Variants in EEF1A2 observed in about 807,000 individuals in gnomAD.
The protein encoded by EEF1A2 is eukaryotic translation elongation factor 1 alpha 2.
A neutral mutation model predicts 39.3 loss-of-function variants in EEF1A2; 5 were observed. The observed-to-expected ratio is 0.13, with a 90% CI of 0.07 to 0.27. EEF1A2 has a LOEUF of 0.27. Ranked by LOEUF, EEF1A2 falls within the 10% of genes least tolerant of loss-of-function variation. EEF1A2 has a pLI of 1.00. For synonymous variants in EEF1A2, 287 were observed against 293.7 expected (o/e 0.98, Z 0.23); for missense variants, 218 against 681.4 (o/e 0.32, Z 7.57).
intron 7 of EEF1A2, 46 bp from the exon 8 acceptor site, chr20:63,488,471 C>A: frequency 1.5e-6 from 2 of 1,328,504 alleles, no homozygotes; most frequent in Non-Finnish European, 1.9e-6. Context: ...AGGACTTGAC[C>A]CCCCCCAACC....
chr20:63,488,537 C>T (rs549744660), intron 7 of EEF1A2, 112 bp from the exon 8 acceptor site: 5 of 1,297,136 alleles, frequency 3.9e-6, no homozygotes, highest in East Asian at 3.0e-5. Flanking sequence ...TCGGAACACG[C>T]TTAGCGCAGA....
At chr20:63,490,290 C>G in intron 6 of EEF1A2, 189 bp downstream of exon 6, 1 of 682,764 alleles carries the variant, frequency 1.5e-6, no homozygotes, top group Non-Finnish European at 2.4e-6. Flanking sequence ...TGGACTTGAT[C>G]TCTTGACCTC....
At chr20:63,488,577 C>A in intron 7 of EEF1A2, 152 bp from the exon 8 acceptor site, 5 of 1,113,266 alleles carry the variant, frequency 4.5e-6, no homozygotes, top group Non-Finnish European at 6.0e-6. Flanking sequence ...GCCGGCCTCG[C>A]GGGAGTCCTG....
At chr20:63,494,104 G>C (rs1482731199) in intron 4 of EEF1A2, among the ~76,000 whole-genome samples, 2 of 152,210 alleles carry the variant, frequency 1.3e-5, no homozygotes, top group African/African-American at 2.4e-5. Context: ...CTGTCTCCCT[G>C]CTGTCTCTAG....
At position 63,488,150 on chromosome 20, in the gene EEF1A2, G is replaced by T; in HGVS notation, c.*148C>A. ...GGCGAGCATCCAGTCGCTGACCGAG[G>T]GCCTCTGGCAAGCGGAGGTGCAGAC... On this transcript the variant is annotated 3_prime_UTR_variant, in exon 8 of 8. Coordinates refer to ENST00000217182, the MANE Select transcript of EEF1A2 (RefSeq NM_001958.5). The T allele has an allele frequency of 2.8e-6, 1 of 352,750 alleles. No individual in the cohort carries two copies. Among genetic ancestry groups the T allele is most frequent in the Non-Finnish European group, 3.9e-6 (1 of 253,224 alleles). 21.9% of individuals were successfully genotyped at this position (352,750 alleles called of 1,614,324 possible). A position where few individuals can be genotyped will look rare whatever the true frequency, so the allele number is the denominator to read the frequency against.
chr20:63,492,884 CGATGGATG>C (rs966616047), intron 5 of EEF1A2, among the ~76,000 whole-genome samples: 1 of 33,964 alleles, frequency 2.9e-5, no homozygotes, highest in East Asian at 9.9e-4. Flanking sequence ...ATGGATGGAT[CGATGGATG>C]GATGGATGGA....
At chr20:63,489,580 C>T (rs531368686) in intron 6 of EEF1A2, among the ~76,000 whole-genome samples, 5 of 152,194 alleles carry the variant, frequency 3.3e-5, no homozygotes, top group Non-Finnish European at 5.9e-5. Flanking sequence ...GTCAGGAGTT[C>T]GAGACCGGCC....
chr20:63,492,988 G>T, intron 5 of EEF1A2, 149 bp downstream of exon 5: 1 of 1,085,808 alleles, frequency 9.2e-7, no homozygotes, highest in Non-Finnish European at 1.3e-6. Context: ...TGGATGGATG[G>T]ATGGATGTGG....
intron 3 of EEF1A2, among the ~76,000 whole-genome samples, chr20:63,495,474 C>T (rs1284384918): frequency 2.6e-5 from 4 of 152,290 alleles, no homozygotes; most frequent in African/African-American, 7.2e-5. Context: ...CTGGGGTGTC[C>T]GTGCGTCTCT....
chr20:63,494,559 C>T (rs879502820), intron 4 of EEF1A2, among the ~76,000 whole-genome samples: 12 of 152,250 alleles, frequency 7.9e-5, no homozygotes, highest in Admixed American at 3.3e-4. Flanking sequence ...GTGTTGACAT[C>T]GTAGATGGGC....
In EEF1A2 at chr20:63,494,973, G is replaced by C. The variant is rs764827474; in HGVS notation, c.453C>G (p.Gly151=). The C allele has an allele frequency of 6.2e-7, 1 of 1,612,670 alleles. No homozygotes were observed. Among genetic ancestry groups the C allele is most frequent in the Non-Finnish European group, 8.5e-7 (1 of 1,179,986 alleles). ...YTLGVKQLIV[G]VNKMDSTEPA... ...GCTCTGTGGAGTCCATTTTGTTCACGCCCACGATGAGCTGCTTCACACCCA... is the reference window on the plus strand; with the variant it reads ...GCTCTGTGGAGTCCATTTTGTTCACCCCCACGATGAGCTGCTTCACACCCA... Residue 151 remains glycine, a synonymous_variant, in exon 4 of 8, where the codon GGC becomes GGG. Transcript: ENST00000217182.
At chr20:63,493,535 C>T (rs187025673) in intron 4 of EEF1A2, among the ~76,000 whole-genome samples, 1 of 152,314 alleles carries the variant, frequency 6.6e-6, no homozygotes, top group Non-Finnish European at 1.5e-5. Context: ...GCCCAGGCTG[C>T]TCAGGAGTTG....
rs746094472 is a variant in EEF1A2, at chr20:63,497,692, C to T, written c.72G>A (p.Thr24=). ...GHVDSGKSTT[T]GHLIYKCGGI... is the part of the protein sequence containing the mutation. ...CTCCGCATTTGTAGATGAGGTGGCCCGTGGTGGTGGACTTTCCGGAGTCCA... is the reference window on the plus strand; with the variant it reads ...CTCCGCATTTGTAGATGAGGTGGCCTGTGGTGGTGGACTTTCCGGAGTCCA... Residue 24 remains threonine (T), a synonymous_variant, in exon 2 of 8, where the codon ACG becomes ACA. Coordinates refer to ENST00000217182, the MANE Select transcript of EEF1A2 (RefSeq NM_001958.5). This position sits in a 1 kb window ranked among gnomAD's most constrained non-coding sequence, Gnocchi z 7.3. 50 of 1,612,958 alleles carry T rather than the reference C, an allele frequency of 3.1e-5. No homozygotes were observed. Among genetic ancestry groups the T allele is most frequent in the African/African-American group, 5.3e-5 (4 of 74,920 alleles).
intron 2 of EEF1A2, chr20:63,496,883 G>C (rs186573290): frequency 2.0e-5 from 3 of 152,450 alleles, no homozygotes; most frequent in South Asian, 4.1e-4. Context: ...CCCCAACCCC[G>C]CCAGGGCAGA....
At chr20:63,489,226 G>A in intron 6 of EEF1A2, 74 bp from the exon 7 acceptor site, 1 of 1,473,780 alleles carries the variant, frequency 6.8e-7, no homozygotes, top group Admixed American at 1.9e-5. Flanking sequence ...GCGGGGCTGG[G>A]AGGCCCAGTC....
At position 63,497,843 on chromosome 20, in the gene EEF1A2, C is replaced by A; in HGVS notation, c.-71-9G>T. 1 of 1,546,886 alleles carries A rather than the reference C, an allele frequency of 6.5e-7. No individual in the cohort carries two copies. The highest frequency in any genetic ancestry group is 8.7e-7 in the Non-Finnish European group (1 of 1,143,704). ...GGGGGGCTGCAGTGATTCTGTGGGG[C>A]CAGTGGTGGTGGGGAGACCGGTGAT... On this transcript the variant is annotated splice_polypyrimidine_tract_variant and intron_variant, in intron 1 of 7. Coordinates refer to ENST00000217182, the MANE Select transcript of EEF1A2 (RefSeq NM_001958.5). This position sits in a 1 kb window ranked among gnomAD's most constrained non-coding sequence, Gnocchi z 7.3.
intron 4 of EEF1A2, among the ~76,000 whole-genome samples, chr20:63,494,234 C>T (rs1481755972): frequency 6.6e-6 from 1 of 152,238 alleles, no homozygotes; most frequent in Admixed American, 6.5e-5. Context: ...CTGCAAGTGT[C>T]TCCACGCGTC....
Position 63,496,184 on chromosome 20 carries a change from G to C in EEF1A2, c.145-149C>G, listed in dbSNP as rs531743041. ...CTCTCCGTCGGGGTCCTGGGACGCC[G>C]GCCCCCTCCGTCGGGACCCCACACC... On this transcript the variant is annotated intron_variant, in intron 2 of 7. Transcript: ENST00000217182. The C allele has an allele frequency of 3.1e-6, 3 of 963,576 alleles. No homozygotes were observed. In the Admixed American group the frequency reaches 8.1e-5, roughly 26 times the overall value. 59.7% of individuals were successfully genotyped at this position (963,576 alleles called of 1,614,324 possible).
chr20:63,494,545 T>G (rs2082407743), intron 4 of EEF1A2, among the ~76,000 whole-genome samples: 1 of 152,218 alleles, frequency 6.6e-6, no homozygotes, highest in Admixed American at 6.5e-5. Flanking sequence ...CCGCTGCCCC[T>G]GCTGTGTTGA....
Sources: gnomAD v4.1 joint callset for allele counts (sites outside exome capture counted in the v4.1 genomes callset) on GRCh38, gnomAD v4.1.1 for gene constraint, Gnocchi (gnomAD v3.1) non-coding constraint, MANE v1.5 for transcripts, NCBI Gene and HGNC (gene_info 2026-07-23, HGNC 2026-07-21) for gene names.